Variants in RASA1 observed in about 807,000 individuals in gnomAD.
The protein encoded by RASA1 is ras GTPase-activating protein 1.
In RASA1, 25 loss-of-function variants were observed where a neutral mutation model predicts 132.2. The ratio of observed to expected loss-of-function variants is 0.19; its 90% CI spans 0.14 to 0.26. The LOEUF (loss-of-function observed/expected upper bound fraction) is 0.26. RASA1 is among the 10% of genes least tolerant of loss of function. The pLI is 1.00. For synonymous variants in RASA1, 477 were observed against 449.9 expected, an observed-to-expected ratio of 1.06 and a Z score of -0.76; for missense variants, 964 against 1,299.2, an observed-to-expected ratio of 0.74 and a Z score of 3.97.
chr5:87,363,331 T>C lies in RASA1; in HGVS notation c.1454-17T>C, dbSNP rs1409286530. Reference sequence around the variant, plus strand: ...CAATTGTTTGGCTAAGAGAAAACAATTTTTTTTTTTAAACAGGCAAAGGAA... The same window carrying C: ...CAATTGTTTGGCTAAGAGAAAACAACTTTTTTTTTTAAACAGGCAAAGGAA... On this transcript the variant is annotated splice_polypyrimidine_tract_variant and intron_variant, in intron 10 of 24. Coordinates refer to ENST00000274376, the MANE Select transcript of RASA1 (RefSeq NM_002890.3). The C allele has an allele frequency of 7.9e-7, 1 of 1,266,664 alleles. No homozygotes were observed. The highest frequency in any genetic ancestry group is 2.0e-5 in the Admixed American group (1 of 50,822). 78.5% of individuals were successfully genotyped at this position (1,266,664 alleles called of 1,614,324 possible). A position where few individuals can be genotyped will look rare whatever the true frequency, so the allele number is the denominator to read the frequency against.
intron 1 of RASA1, among the ~76,000 whole-genome samples, chr5:87,313,096 G>A (rs1027795073): frequency 2.0e-5 from 3 of 152,208 alleles, no homozygotes; most frequent in Non-Finnish European, 4.4e-5. Flanking sequence ...AAGTTGTATG[G>A]ACTGCAGATA....
Position 87,270,646 on chromosome 5 carries a change from CTTTTTTTTTTTTTTTTTTTTTT to C in RASA1, c.539+1672_539+1693del, listed in dbSNP as rs70996415. Among the ~76,000 whole-genome samples the C allele has an allele frequency of 3.3e-3, 240 of 71,780 alleles. 4 individuals carry two copies. Among genetic ancestry groups the C allele is most frequent in the African/African-American group, 0.014 (219 of 15,552 alleles). 47.1% of individuals were successfully genotyped at this position (71,780 alleles called of 152,430 possible). ...ACAGCCGTAAGCCACGGTGCCCGGC[CTTTTTTTTTTTTTTTTTTTTTT>C]TTTTTTTTTTTTTTTGGATAAGCTT... On this transcript the variant is annotated intron_variant, in intron 1 of 24. Coordinates refer to ENST00000274376, the MANE Select transcript of RASA1 (RefSeq NM_002890.3).
At chr5:87,349,448 T>C (rs549330728) in intron 8 of RASA1, 84 bp downstream of exon 8, 27 of 1,463,962 alleles carry the variant, frequency 1.8e-5, no homozygotes, top group Admixed American at 6.1e-5. Flanking sequence ...GTCAAAATTA[T>C]ATAAAAGTTT....
At chr5:87,281,553 TGAA>T (rs1460641060) in intron 1 of RASA1, among the ~76,000 whole-genome samples, 1 of 152,124 alleles carries the variant, frequency 6.6e-6, no homozygotes, top group East Asian at 1.9e-4. Context: ...ATCTTTTTTT[TGAA>T]GAAATGTCTG....
chr5:87,389,047 T>C (rs1418734400), intron 23 of RASA1, among the ~76,000 whole-genome samples: 2 of 152,212 alleles, frequency 1.3e-5, no homozygotes, highest in Non-Finnish European at 2.9e-5. Context: ...CCATCATTAA[T>C]ACTGAATATT....
chr5:87,327,529 A>G (rs1457126734), intron 1 of RASA1, among the ~76,000 whole-genome samples: 3 of 152,134 alleles, frequency 2.0e-5, no homozygotes, highest in Non-Finnish European at 4.4e-5. Context: ...ATTGCCATAG[A>G]TTGGAGGTTT....
At chr5:87,306,152 A>G (rs1375116309) in intron 1 of RASA1, among the ~76,000 whole-genome samples, 5 of 151,980 alleles carry the variant, frequency 3.3e-5, no homozygotes, top group African/African-American at 9.7e-5. Context: ...ACTCTATTAT[A>G]AAGACACATG....
At chr5:87,352,724 G>T (rs1258144638) in intron 8 of RASA1, among the ~76,000 whole-genome samples, 1 of 151,272 alleles carries the variant, frequency 6.6e-6, no homozygotes, top group Non-Finnish European at 1.5e-5. Flanking sequence ...AAACCAGTAT[G>T]TGTAAATGTG....
chr5:87,369,025 T>C (rs1760733109), intron 11 of RASA1, among the ~76,000 whole-genome samples: 1 of 152,202 alleles, frequency 6.6e-6, no homozygotes, highest in African/African-American at 2.4e-5. Context: ...GAAAATATAG[T>C]CTTTATCTTT....
intron 15 of RASA1, 137 bp downstream of exon 15, chr5:87,375,053 C>T (rs1407259176): frequency 8.5e-7 from 1 of 1,181,808 alleles, no homozygotes; most frequent in Non-Finnish European, 1.1e-6. Context: ...TCTTTCTGTA[C>T]TTCTTAAAGT....
chr5:87,287,487 CAT>C (rs1348108716), intron 1 of RASA1, among the ~76,000 whole-genome samples: 6 of 132,852 alleles, frequency 4.5e-5, no homozygotes, highest in African/African-American at 1.6e-4. Context: ...ATATACACAC[CAT>C]ATATATACAC....
intron 1 of RASA1, among the ~76,000 whole-genome samples, chr5:87,306,142 ACT>A (rs1171802214): frequency 1.3e-5 from 2 of 151,836 alleles, no homozygotes; most frequent in Admixed American, 1.3e-4. Context: ...AATATAAATC[ACT>A]CTATTATAAA....
At chr5:87,332,719 C>T (rs1292539719) in intron 3 of RASA1, 77 bp downstream of exon 3, 3 of 1,368,570 alleles carry the variant, frequency 2.2e-6, no homozygotes, top group Non-Finnish European at 3.0e-6. Flanking sequence ...TGCTCAGTTT[C>T]TTATGTTTAT....
intron 5 of RASA1, 64 bp from the exon 6 acceptor site, chr5:87,341,226 A>G: frequency 2.0e-6 from 2 of 987,824 alleles, no homozygotes; most frequent in Middle Eastern, 3.6e-4. Flanking sequence ...GATTTTCATG[A>G]ATTTTAATAA....
Position 87,268,265 on chromosome 5 carries a change from AGCTGGGGAGCCTGG to A in RASA1, c.-182_-169del. ...CCACTTGGCTTCCCGTAACCCAGGC[AGCTGGGGAGCCTGG>A]GCTGTGGCCCTAGGAGGGGGCGCGG... is the stretch of plus-strand genomic sequence containing the variant. On this transcript the variant is annotated 5_prime_UTR_variant, in exon 1 of 25. Transcript: ENST00000274376. 3 of 853,044 alleles carry A rather than the reference AGCTGGGGAGCCTGG, an allele frequency of 3.5e-6. No homozygotes were observed. Among genetic ancestry groups the A allele is most frequent in the Non-Finnish European group, 5.2e-6 (3 of 576,608 alleles). 52.8% of individuals were successfully genotyped at this position (853,044 alleles called of 1,614,324 possible). A position where few individuals can be genotyped will look rare whatever the true frequency, so the allele number is the denominator to read the frequency against.
At chr5:87,383,827 C>A in intron 21 of RASA1, 47 bp downstream of exon 21, 5 of 1,412,222 alleles carry the variant, frequency 3.5e-6, no homozygotes, top group Non-Finnish European at 5.0e-6. Context: ...TTAGAATTAA[C>A]AGTTTCATAC....
At chr5:87,317,242 G>C (rs1202789031) in intron 1 of RASA1, among the ~76,000 whole-genome samples, 1 of 152,128 alleles carries the variant, frequency 6.6e-6, no homozygotes, top group Non-Finnish European at 1.5e-5. Context: ...TCTTATTGCA[G>C]TCCTTTTGTT....
chr5:87,367,547 A>G (rs1312933629), intron 11 of RASA1, among the ~76,000 whole-genome samples: 1 of 152,172 alleles, frequency 6.6e-6, no homozygotes, highest in Non-Finnish European at 1.5e-5. Context: ...ATTTTTCCAG[A>G]TTATTTTCAA....
At chr5:87,376,299 A>G in intron 15 of RASA1, 94 bp from the exon 16 acceptor site, 6 of 1,417,270 alleles carry the variant, frequency 4.2e-6, no homozygotes, top group Non-Finnish European at 5.9e-6. Context: ...AGCATTTAAC[A>G]CCATAGGGAA....
Sources: gnomAD v4.1 joint callset for allele counts (sites outside exome capture counted in the v4.1 genomes callset) on GRCh38, gnomAD v4.1.1 for gene constraint, MANE v1.5 for transcripts, NCBI Gene and HGNC (gene_info 2026-07-23, HGNC 2026-07-21) for gene names.